CRISPLD2: variants seen among roughly 807,000 people sequenced by gnomAD.
The protein encoded by CRISPLD2 is cysteine rich secretory protein LCCL domain containing 2.
A neutral mutation model predicts 71.1 loss-of-function variants in CRISPLD2; 47 were observed. The observed-to-expected ratio is 0.66, with a 90% CI of 0.52 to 0.84. CRISPLD2 has a LOEUF of 0.84. CRISPLD2 is among the 40% of genes least tolerant of loss of function. CRISPLD2 has a pLI of 0.00. For synonymous variants in CRISPLD2, 317 were observed against 250.1 expected (o/e 1.27, Z -2.52); for missense variants, 830 against 651.1 (o/e 1.27, Z -2.99).
intron 1 of CRISPLD2, among the ~76,000 whole-genome samples, chr16:84,827,036 T>A (rs893898965): frequency 6.6e-6 from 1 of 152,040 alleles, no homozygotes; most frequent in Non-Finnish European, 1.5e-5. Context: ...GGCACAGCCG[T>A]CTCTGTACCG....
intron 1 of CRISPLD2, among the ~76,000 whole-genome samples, chr16:84,832,048 T>C (rs1310576710): frequency 6.6e-6 from 1 of 152,256 alleles, no homozygotes; most frequent in Non-Finnish European, 1.5e-5. Context: ...TTTTTAAACA[T>C]TGGATTTTGT....
At chr16:84,856,390 G>T (rs1350071428) in intron 6 of CRISPLD2, among the ~76,000 whole-genome samples, 1 of 152,174 alleles carries the variant, frequency 6.6e-6, no homozygotes, top group Non-Finnish European at 1.5e-5. Flanking sequence ...TGACTTAAGG[G>T]GAGGAGGAGC....
chr16:84,832,072 G>C (rs1916502872), intron 1 of CRISPLD2, among the ~76,000 whole-genome samples: 1 of 152,204 alleles, frequency 6.6e-6, no homozygotes, highest in Non-Finnish European at 1.5e-5. Context: ...GGTAAACGTG[G>C]GCTTTGAAAT....
At chr16:84,833,733 G>A (rs144208213) in intron 1 of CRISPLD2, among the ~76,000 whole-genome samples, 190 of 152,262 alleles carry the variant, frequency 1.2e-3, no homozygotes, top group Non-Finnish European at 2.5e-3. Flanking sequence ...GTGGGGGGGC[G>A]TGTTTGTGTT....
chr16:84,905,807 T>A (rs552704412), intron 14 of CRISPLD2, among the ~76,000 whole-genome samples: 2 of 151,532 alleles, frequency 1.3e-5, no homozygotes, highest in Admixed American at 6.6e-5. Flanking sequence ...CCTCCCAGGT[T>A]CAAGTGATTC....
Position 84,838,609 on chromosome 16 carries a change from C to G in CRISPLD2, c.114C>G (p.Tyr38Ter), listed in dbSNP as rs760870426. ...VTLLEELLSK[Y>*]QHNESHSRVR... Reference sequence around the variant, plus strand: ...TCTTAGAGGAGCTGCTCAGCAAATACCAGCACAACGAGTCTCACTCCCGGG... The same window carrying G: ...TCTTAGAGGAGCTGCTCAGCAAATAGCAGCACAACGAGTCTCACTCCCGGG... The change falls in exon 2 of 15, where the codon TAC becomes TAG. Residue 38 changes from tyrosine (Y) to a stop codon, truncating the protein, a stop_gained. Transcript: ENST00000262424. LOFTEE classifies it high-confidence loss of function. 4 of 1,614,242 alleles carry G rather than the reference C, an allele frequency of 2.5e-6. No individual in the cohort carries two copies. The highest frequency in any genetic ancestry group is 3.4e-6 in the Non-Finnish European group (4 of 1,180,042).
intron 11 of CRISPLD2, among the ~76,000 whole-genome samples, chr16:84,874,890 C>G (rs1362906463): frequency 1.3e-5 from 2 of 152,134 alleles, no homozygotes; most frequent in Admixed American, 6.5e-5. Flanking sequence ...ACATCGATGA[C>G]TTTTAAAACT....
At chr16:84,820,397 C>G (rs540828653) in intron 1 of CRISPLD2, among the ~76,000 whole-genome samples, 1 of 152,336 alleles carries the variant, frequency 6.6e-6, no homozygotes, top group Admixed American at 6.5e-5. Context: ...AGCGCAGAAT[C>G]CTGCTCCTTA....
In CRISPLD2 at chr16:84,907,133, C is replaced by T. The variant is rs1157659591; in HGVS notation, c.*491C>T. 1 of 173,926 alleles carries T rather than the reference C, an allele frequency of 5.7e-6. No homozygotes were observed. Among genetic ancestry groups the T allele is most frequent in the Non-Finnish European group, 1.2e-5 (1 of 81,676 alleles). The allele number at this position is 173,926 out of a possible 1,614,324, so 10.8% of individuals were successfully genotyped here. ...TTATTTAAAAATAAAAAACACAGTC[C>T]GTCCCTACCAATAGAGGAAAATGGT... On this transcript the variant is annotated 3_prime_UTR_variant, in exon 15 of 15. Coordinates refer to ENST00000262424, the MANE Select transcript of CRISPLD2 (RefSeq NM_031476.4).
chr16:84,823,196 C>G (rs1384862119), intron 1 of CRISPLD2, among the ~76,000 whole-genome samples: 1 of 152,218 alleles, frequency 6.6e-6, no homozygotes, highest in Non-Finnish European at 1.5e-5. Context: ...ACCTTCGTTC[C>G]TTTTTTATGG....
At chr16:84,875,568 AT>A (rs1321234573) in intron 11 of CRISPLD2, among the ~76,000 whole-genome samples, 1 of 150,008 alleles carries the variant, frequency 6.7e-6, no homozygotes, top group African/African-American at 2.5e-5. Context: ...TTATTTTGTT[AT>A]TTTTTGAGAT....
At chr16:84,876,666 G>A (rs1056258174) in intron 11 of CRISPLD2, among the ~76,000 whole-genome samples, 9 of 151,722 alleles carry the variant, frequency 5.9e-5, no homozygotes, top group Admixed American at 3.3e-4. Flanking sequence ...GGTGGCAGGC[G>A]CCTCTAATCC....
intron 3 of CRISPLD2, among the ~76,000 whole-genome samples, chr16:84,847,451 A>G (rs1056479819): frequency 7.2e-5 from 11 of 152,182 alleles, no homozygotes; most frequent in Non-Finnish European, 1.5e-5. Flanking sequence ...GGAGTTCAAG[A>G]CTATCCTGGC....
At chr16:84,862,725 C>A (rs1917419481) in intron 6 of CRISPLD2, among the ~76,000 whole-genome samples, 1 of 140,568 alleles carries the variant, frequency 7.1e-6, no homozygotes. Context: ...CTTGCCATGA[C>A]CGAGGGGCCT....
intron 1 of CRISPLD2, among the ~76,000 whole-genome samples, chr16:84,827,558 CT>C (rs571068599): frequency 0.034 from 4,626 of 135,840 alleles, 123 homozygotes; most frequent in African/African-American, 0.11. Flanking sequence ...AGTGCCCTTT[CT>C]TTTTTTTTTT....
At chr16:84,861,602 C>G (rs1917383270) in intron 6 of CRISPLD2, among the ~76,000 whole-genome samples, 1 of 152,164 alleles carries the variant, frequency 6.6e-6, no homozygotes, top group African/African-American at 2.4e-5. Context: ...ACCCAGCCCA[C>G]TGACTCAAAT....
chr16:84,859,525 G>A (rs1343453051), intron 6 of CRISPLD2, among the ~76,000 whole-genome samples: 1 of 152,222 alleles, frequency 6.6e-6, no homozygotes, highest in African/African-American at 2.4e-5. Context: ...CCTTCCTCAA[G>A]GGGACCTAGC....
rs181456873 is a variant in CRISPLD2 at position 84,841,603 on chromosome 16, T to G, written c.240+2868T>G. 1.1e-3 allele frequency among the ~76,000 whole-genome samples: 161 copies of G among 145,978 alleles called. 2 individuals carry two copies. Among genetic ancestry groups the G allele is most frequent in the African/African-American group, 3.4e-3 (133 of 39,380 alleles). Reference sequence around the variant, plus strand: ...GGATGCATTTATGACTGTGAAGCACTTTTTTTTTTTGAGACAGAGTCTCGC... The same window carrying G: ...GGATGCATTTATGACTGTGAAGCACGTTTTTTTTTTGAGACAGAGTCTCGC... On this transcript the variant is annotated intron_variant, in intron 2 of 14. Transcript: ENST00000262424.
In CRISPLD2 at chr16:84,840,730, C is replaced by T. The variant is rs192784789; in HGVS notation, c.240+1995C>T. Among the ~76,000 whole-genome samples the T allele has an allele frequency of 1.2e-3, 189 of 152,028 alleles. 2 individuals are homozygous for T. The highest frequency in any genetic ancestry group is 9.3e-3 in the East Asian group (48 of 5,160). On this transcript the variant is annotated intron_variant, in intron 2 of 14. Transcript: ENST00000262424. Reference sequence around the variant, plus strand: ...ACCATGTTTGTATTTTTATTAGAGACGGGATTTCACCATGTTGGCCAGGCT... The same window carrying T: ...ACCATGTTTGTATTTTTATTAGAGATGGGATTTCACCATGTTGGCCAGGCT...
Sources: allele counts gnomAD v4.1 joint callset (sites outside exome capture counted in the v4.1 genomes callset), GRCh38; gene constraint gnomAD v4.1.1; transcripts MANE v1.5; gene names NCBI Gene and HGNC (gene_info 2026-07-23, HGNC 2026-07-21).